The following CHAC1 variants were observed in gnomAD, a reference collection of about 807,000 sequenced individuals.
CHAC1 encodes glutathione-specific gamma-glutamylcyclotransferase 1.
Under a neutral mutation model 22.1 loss-of-function variants are expected in CHAC1, and 22 were observed. The ratio of observed to expected loss-of-function variants is 1.00; its 90% CI spans 0.71 to 1.42. The LOEUF (loss-of-function observed/expected upper bound fraction) is 1.42. CHAC1 is among the 40% of genes most tolerant of loss of function. The probability of loss-of-function intolerance (pLI) is 0.00; values close to 1 mark genes in which losing one functional copy is unlikely to be tolerated. For synonymous variants in CHAC1, 145 were observed against 128.7 expected (o/e 1.13, Z -0.86); for missense variants, 272 against 299.2 (o/e 0.91, Z 0.67).
intron 1 of CHAC1, 153 bp from the exon 2 acceptor site, chr15:40,954,075 C>A: frequency 1.3e-6 from 1 of 788,256 alleles, no homozygotes; most frequent in South Asian, 1.6e-5. Flanking sequence ...TACATCCGTG[C>A]ATCGCTCCCC....
chr15:40,955,613 G>A lies in CHAC1; in HGVS notation c.508G>A (p.Gly170Ser). ...AIATQILACRGFSGHNLEYLL... is the reference protein window; with the variant it reads ...AIATQILACRSFSGHNLEYLL... ...TGCCACGCAGATCCTGGCCTGCCGG[G>A]GCTTCTCCGGCCACAACCTTGAATA... The change falls in exon 3 of 3, where the codon GGC (glycine) becomes AGC (serine). Residue 170 changes from glycine to serine, a missense_variant. By Grantham distance (56) the Gly-to-Ser change is moderately conservative. Transcript: ENST00000617768. 6.2e-7 allele frequency: 1 copy of A among 1,613,920 alleles called. No homozygotes were observed. The highest frequency in any genetic ancestry group is 8.5e-7 in the Non-Finnish European group (1 of 1,180,036).
chr15:40,954,657 G>T (rs191557392), intron 2 of CHAC1, among the ~76,000 whole-genome samples: 5 of 152,116 alleles, frequency 3.3e-5, no homozygotes, highest in African/African-American at 1.2e-4. Context: ...AGGCTGGAGT[G>T]CAGTGATGCA....
In CHAC1 at chr15:40,953,628, G is replaced by T; in HGVS notation, c.45G>T (p.Gln15His). Residue 15 changes from glutamine to histidine, a missense_variant, in exon 1 of 3, where the codon CAG (glutamine) becomes CAT (histidine). Gln to His is a conservative substitution (Grantham distance 24, BLOSUM62 0). Transcript: ENST00000617768. ...SAAPNTPPTS[Q>H]SPTPSAQFPR... ...CCCCGAACACCCCGCCCACCTCGCA[G>T]TCCCCTACGCCGTCCGCTCAGTTCC... 1 of 1,609,932 alleles carries T rather than the reference G, an allele frequency of 6.2e-7. No individual in the cohort carries two copies.
At chr15:40,955,036 G>A (rs1893204970) in intron 2 of CHAC1, among the ~76,000 whole-genome samples, 1 of 151,996 alleles carries the variant, frequency 6.6e-6, no homozygotes, top group Non-Finnish European at 1.5e-5. Flanking sequence ...TGGGTTACAG[G>A]CGTACGCCAC....
At chr15:40,954,476 A>G (rs983641440) in intron 2 of CHAC1, among the ~76,000 whole-genome samples, 1 of 152,244 alleles carries the variant, frequency 6.6e-6, no homozygotes, top group Admixed American at 6.5e-5. Flanking sequence ...GTCCTGAGAC[A>G]CAGCATTCCT....
intron 2 of CHAC1, 43 bp downstream of exon 2, chr15:40,954,306 A>G: frequency 5.0e-6 from 8 of 1,603,564 alleles, no homozygotes; most frequent in Non-Finnish European, 6.8e-6. Flanking sequence ...CCCAGTGTGA[A>G]GGGGGACCAG....
rs1395874671 is a variant in CHAC1, at chr15:40,956,211, AT to A, written c.*438del. ...CCTGCCAAGGATCCCAGCAGGCTGG[AT>A]GAGGGATAGTAGGGCATGAGGAGAA... On this transcript the variant is annotated 3_prime_UTR_variant, in exon 3 of 3. Transcript: ENST00000617768. 1 of 171,208 alleles carries A rather than the reference AT, an allele frequency of 5.8e-6. No individual in the cohort carries two copies. The highest frequency in any genetic ancestry group is 1.3e-5 in the Non-Finnish European group (1 of 78,428). 10.6% of individuals were successfully genotyped at this position (171,208 alleles called of 1,614,324 possible). A position where few individuals can be genotyped will look rare whatever the true frequency, so the allele number is the denominator to read the frequency against.
chr15:40,954,706 C>T (rs182258871), intron 2 of CHAC1, among the ~76,000 whole-genome samples: 3 of 152,198 alleles, frequency 2.0e-5, no homozygotes, highest in East Asian at 1.9e-4. Flanking sequence ...CAGATTCAAG[C>T]GATTCTCCCA....
At position 40,955,709 on chromosome 15, in the gene CHAC1, G is replaced by T. The variant is rs556102949; in HGVS notation, c.604G>T (p.Val202Leu). 9.5e-5 allele frequency: 152 copies of T among 1,606,004 alleles called. No individual in the cohort carries two copies. Among genetic ancestry groups the T allele is most frequent in the Non-Finnish European group, 1.2e-4 (147 of 1,179,930 alleles). ...QAQDEHLAAI[V>L]DAVGTMLPCF... Reference sequence around the variant, plus strand: ...GCAGGACGAGCACCTGGCAGCCATCGTGGACGCTGTGGGCACCATGTTGCC... The same window carrying T: ...GCAGGACGAGCACCTGGCAGCCATCTTGGACGCTGTGGGCACCATGTTGCC... Residue 202 changes from valine (V) to leucine (L), a missense_variant, in exon 3 of 3, where the codon GTG becomes TTG. Val to Leu is a conservative substitution (Grantham distance 32, BLOSUM62 1). Coordinates refer to ENST00000617768, the MANE Select transcript of CHAC1 (RefSeq NM_024111.6).
At chr15:40,954,933 G>C (rs1428619083) in intron 2 of CHAC1, among the ~76,000 whole-genome samples, 1 of 112,060 alleles carries the variant, frequency 8.9e-6, no homozygotes, top group South Asian at 2.9e-4. Context: ...TTTTTTTTAA[G>C]ACGGAGTCTT....
At chr15:40,953,929 T>C in intron 1 of CHAC1, 115 bp downstream of exon 1, 1 of 821,754 alleles carries the variant, frequency 1.2e-6, no homozygotes, top group Non-Finnish European at 1.9e-6. Flanking sequence ...TGTAAACCTG[T>C]GTCTGGGGTT....
intron 1 of CHAC1, 134 bp from the exon 2 acceptor site, chr15:40,954,094 C>A: frequency 1.1e-6 from 1 of 903,784 alleles, no homozygotes; most frequent in East Asian, 2.5e-5. Flanking sequence ...CCCACCTTCC[C>A]CTGCATGAAT....
At chr15:40,954,101 G>A (rs2140379570) in intron 1 of CHAC1, 127 bp from the exon 2 acceptor site, 1 of 963,194 alleles carries the variant, frequency 1.0e-6, no homozygotes, top group South Asian at 1.4e-5. Context: ...TCCCCTGCAT[G>A]AATGGGACTC....
Position 40,955,387 on chromosome 15 carries a change from C to A in CHAC1, c.282C>A (p.Gly94=). The change falls in exon 3 of 3, where the codon GGC becomes GGA. Residue 94 remains glycine, a synonymous_variant. Transcript: ENST00000617768. ...LLEDHEGCTW[G]VAYQVQGEQV... Reference sequence around the variant, plus strand: ...TTTCTTCCCAGGGCTGCACTTGGGGCGTGGCATACCAAGTGCAAGGGGAGC... The same window carrying A: ...TTTCTTCCCAGGGCTGCACTTGGGGAGTGGCATACCAAGTGCAAGGGGAGC... The A allele has an allele frequency of 6.2e-7, 1 of 1,613,776 alleles. No homozygotes were observed. The highest frequency in any genetic ancestry group is 8.5e-7 in the Non-Finnish European group (1 of 1,179,856).
chr15:40,953,702 C>G lies in CHAC1; in HGVS notation c.119C>G (p.Ser40Cys). Residue 40 changes from serine to cysteine, a missense_variant, in exon 1 of 3, where the codon TCC becomes TGC. Coordinates refer to ENST00000617768, the MANE Select transcript of CHAC1 (RefSeq NM_024111.6). ...PQALWIFGYGSLVWRPDFAYS... is the reference protein window; with the variant it reads ...PQALWIFGYGCLVWRPDFAYS... Reference sequence around the variant, plus strand: ...GCGCTGTGGATTTTCGGGTACGGCTCCCTGGTGTGGAGGCCCGACTTCGCC... The same window carrying G: ...GCGCTGTGGATTTTCGGGTACGGCTGCCTGGTGTGGAGGCCCGACTTCGCC... 1 of 1,606,812 alleles carries G rather than the reference C, an allele frequency of 6.2e-7. No homozygotes were observed. Among genetic ancestry groups the G allele is most frequent in the South Asian group, 1.1e-5 (1 of 91,086 alleles).
rs1002395954 is a variant in CHAC1 at position 40,953,594 on chromosome 15, A to T, written c.11A>T (p.Glu4Val). 3.1e-6 allele frequency: 5 copies of T among 1,610,082 alleles called. No homozygotes were observed. Among genetic ancestry groups the T allele is most frequent in the Non-Finnish European group, 4.2e-6 (5 of 1,179,848 alleles). The change falls in exon 1 of 3, where the codon GAG (glutamate) becomes GTG (valine). Residue 4 changes from glutamate (E) to valine (V), a missense_variant. Coordinates refer to ENST00000617768, the MANE Select transcript of CHAC1 (RefSeq NM_024111.6). ...CCTGTGCCAGGCACCATGAAGCAGG[A>T]GTCTGCAGCCCCGAACACCCCGCCC... MKQ[E>V]SAAPNTPPTS...
At position 40,955,752 on chromosome 15, in the gene CHAC1, A is replaced by G; in HGVS notation, c.647A>G (p.Glu216Gly). 1 of 1,598,394 alleles carries G rather than the reference A, an allele frequency of 6.3e-7. No homozygotes were observed. The highest frequency in any genetic ancestry group is 8.5e-7 in the Non-Finnish European group (1 of 1,177,924). ...GTMLPCFCPT[E>G]QALALV Reference sequence around the variant, plus strand: ...ATGTTGCCCTGCTTCTGCCCCACCGAGCAGGCTCTGGCGCTGGTGTGAGGG... The same window carrying G: ...ATGTTGCCCTGCTTCTGCCCCACCGGGCAGGCTCTGGCGCTGGTGTGAGGG... The change falls in exon 3 of 3, where the codon GAG (glutamate) becomes GGG (glycine). Residue 216 changes from glutamate to glycine, a missense_variant. Physicochemically the swap from Glu to Gly is moderately conservative, Grantham distance 98 (BLOSUM62 -2). Coordinates refer to ENST00000617768, the MANE Select transcript of CHAC1 (RefSeq NM_024111.6).
intron 2 of CHAC1, 50 bp downstream of exon 2, chr15:40,954,313 C>A: frequency 6.3e-7 from 1 of 1,590,918 alleles, no homozygotes; most frequent in Non-Finnish European, 8.6e-7. Flanking sequence ...TGAAGGGGGA[C>A]CAGCAGAGAG....
chr15:40,955,473 C>T lies in CHAC1; in HGVS notation c.368C>T (p.Thr123Ile). 6.2e-7 allele frequency: 1 copy of T among 1,614,148 alleles called. No individual in the cohort carries two copies. The highest frequency in any genetic ancestry group is 8.5e-7 in the Non-Finnish European group (1 of 1,180,006). ...VREAVLGGYD[T>I]KEVTFYPQDA... ...GAGGCAGTGCTTGGTGGCTACGATA[C>T]CAAGGAGGTCACCTTCTATCCCCAA... Residue 123 changes from threonine (T) to isoleucine (I), a missense_variant, in exon 3 of 3, where the codon ACC (threonine) becomes ATC (isoleucine). By Grantham distance (89) the Thr-to-Ile change is moderately conservative (BLOSUM62 -1). Coordinates refer to ENST00000617768, the MANE Select transcript of CHAC1 (RefSeq NM_024111.6).
Sources: gnomAD v4.1 joint callset for allele counts (sites outside exome capture counted in the v4.1 genomes callset) on GRCh38, gnomAD v4.1.1 for gene constraint, MANE v1.5 for transcripts, NCBI Gene and HGNC (gene_info 2026-07-23, HGNC 2026-07-21) for gene names.